RSU1: variants seen among roughly 807,000 people sequenced by gnomAD.
The protein encoded by RSU1 is Ras suppressor protein 1, also known as rsu-1.
RSU1 carries 26 observed loss-of-function variants against 31.1 expected under a neutral mutation model. That is an observed-to-expected ratio of 0.84 (90% CI 0.61 to 1.16). The LOEUF (loss-of-function observed/expected upper bound fraction) is 1.16, where lower values mean the gene tolerates loss of function less well. Among genes scored for constraint, RSU1 ranks in the 50% most tolerant of loss-of-function variants. RSU1 has a pLI of 0.00. For synonymous variants in RSU1, 164 were observed against 136.3 expected (o/e 1.20, Z -1.41); for missense variants, 320 against 339.1 (o/e 0.94, Z 0.44).
intron 7 of RSU1, among the ~76,000 whole-genome samples, chr10:16,711,247 G>C (rs1836012568): frequency 6.6e-6 from 1 of 152,022 alleles, no homozygotes; most frequent in Non-Finnish European, 1.5e-5. Flanking sequence ...TGTAGTATCA[G>C]TTGTAACATC....
intron 8 of RSU1, among the ~76,000 whole-genome samples, chr10:16,663,587 G>A (rs2131529578): frequency 6.6e-6 from 1 of 152,298 alleles, no homozygotes; most frequent in South Asian, 2.1e-4. Context: ...TGCAGGCTGG[G>A]AAGCTACGCC....
At chr10:16,658,492 T>C (rs1437130407) in intron 8 of RSU1, among the ~76,000 whole-genome samples, 1 of 152,068 alleles carries the variant, frequency 6.6e-6, no homozygotes, top group African/African-American at 2.4e-5. Context: ...GGGAGGCTGA[T>C]GCAGGCAGAT....
intron 3 of RSU1, among the ~76,000 whole-genome samples, chr10:16,768,427 C>T (rs1464923085): frequency 3.3e-5 from 5 of 152,226 alleles, no homozygotes; most frequent in African/African-American, 1.2e-4. Flanking sequence ...GTATCATTTT[C>T]TGCCTAGCCA....
chr10:16,759,490 G>A (rs1181775334), intron 4 of RSU1, among the ~76,000 whole-genome samples: 2 of 152,160 alleles, frequency 1.3e-5, no homozygotes, highest in African/African-American at 2.4e-5. Context: ...CTGGGTGACA[G>A]AGTGAGATCT....
intron 8 of RSU1, among the ~76,000 whole-genome samples, chr10:16,675,596 G>A (rs1835213034): frequency 6.6e-6 from 1 of 152,068 alleles, no homozygotes; most frequent in Non-Finnish European, 1.5e-5. Context: ...TGGAAATATG[G>A]GATCACTATT....
In RSU1 at chr10:16,775,459, T is replaced by C. The variant is rs117445531; in HGVS notation, c.160+6575A>G. On this transcript the variant is annotated intron_variant, in intron 3 of 8. Coordinates refer to ENST00000345264, the MANE Select transcript of RSU1 (RefSeq NM_012425.4). ...TCCGCTTAGCACAAAACAGGACCTC[T>C]AGAAAAAGGATTCTAGAACAGGTAC... Among the ~76,000 whole-genome samples, 645 of 151,390 alleles carry C rather than the reference T, an allele frequency of 4.3e-3. 7 individuals are homozygous for C. Among genetic ancestry groups the C allele is most frequent in the East Asian group, 0.023 (118 of 5,108 alleles).
intron 2 of RSU1, among the ~76,000 whole-genome samples, chr10:16,797,460 T>G (rs1838060670): frequency 6.6e-6 from 1 of 152,176 alleles, no homozygotes; most frequent in East Asian, 1.9e-4. Context: ...TCTGAAAGTT[T>G]AGGAAAATTA....
intron 2 of RSU1, among the ~76,000 whole-genome samples, chr10:16,805,913 A>C (rs537073378): frequency 6.6e-6 from 1 of 152,250 alleles, no homozygotes; most frequent in Admixed American, 6.5e-5. Flanking sequence ...AAAGCCTTGC[A>C]TTCTGTTATG....
At chr10:16,781,275 C>T (rs576183180) in intron 3 of RSU1, among the ~76,000 whole-genome samples, 1 of 152,208 alleles carries the variant, frequency 6.6e-6, no homozygotes, top group South Asian at 2.1e-4. Flanking sequence ...GCCCATCATG[C>T]ACACAAGATA....
At chr10:16,708,083 T>C (rs950895475) in intron 7 of RSU1, among the ~76,000 whole-genome samples, 2 of 152,170 alleles carry the variant, frequency 1.3e-5, no homozygotes, top group African/African-American at 4.8e-5. Context: ...ATGCGTCTGT[T>C]TTTAAAGCCA....
At chr10:16,776,940 A>T (rs1367561355) in intron 3 of RSU1, among the ~76,000 whole-genome samples, 2 of 150,980 alleles carry the variant, frequency 1.3e-5, no homozygotes, top group East Asian at 1.9e-4. Context: ...TTTTTTTGAG[A>T]TAGGGTCTTG....
At chr10:16,613,836 G>T (rs1158897571) in intron 8 of RSU1, among the ~76,000 whole-genome samples, 1 of 150,614 alleles carries the variant, frequency 6.6e-6, no homozygotes, top group Non-Finnish European at 1.5e-5. Flanking sequence ...CCTTTCCCCA[G>T]ACATGACATC....
chr10:16,704,970 A>G (rs1252683874), intron 7 of RSU1, among the ~76,000 whole-genome samples: 1 of 151,686 alleles, frequency 6.6e-6, no homozygotes, highest in East Asian at 2.0e-4. Context: ...ATCTGCCTCC[A>G]TGACTTTTTT....
chr10:16,756,797 T>A (rs535190803), intron 4 of RSU1, among the ~76,000 whole-genome samples: 1 of 151,884 alleles, frequency 6.6e-6, no homozygotes, highest in East Asian at 1.9e-4. Context: ...CAAGGGTCAA[T>A]TGTGTGTGAG....
At chr10:16,754,839 TGAG>T in intron 5 of RSU1, 29 bp downstream of exon 5, 1 of 1,365,206 alleles carries the variant, frequency 7.3e-7, no homozygotes, top group Non-Finnish European at 1.0e-6. Flanking sequence ...AGTACAAGGT[TGAG>T]GAGATTTATA....
At position 16,732,829 on chromosome 10, in the gene RSU1, G is replaced by A. The variant is rs542465669; in HGVS notation, c.598+19710C>T. Reference sequence around the variant, plus strand: ...TTTTGTGCCTTTCAGAAAGGCTTACGAAGATATTAGATAAGAATTTAATAA... The same window carrying A: ...TTTTGTGCCTTTCAGAAAGGCTTACAAAGATATTAGATAAGAATTTAATAA... On this transcript the variant is annotated intron_variant, in intron 7 of 8. Transcript: ENST00000345264. Among the ~76,000 whole-genome samples, 20 of 152,228 alleles carry A rather than the reference G, an allele frequency of 1.3e-4. No homozygotes were observed. In the South Asian group the frequency reaches 2.5e-3, roughly 19 times the overall value.
At chr10:16,599,093 G>A (rs960060652) in intron 8 of RSU1, among the ~76,000 whole-genome samples, 11 of 152,130 alleles carry the variant, frequency 7.2e-5, no homozygotes, top group Non-Finnish European at 1.5e-4. Flanking sequence ...GCTAACACTC[G>A]TGGCTTGTGT....
intron 8 of RSU1, among the ~76,000 whole-genome samples, chr10:16,603,574 A>T (rs1168243486): frequency 6.6e-6 from 1 of 152,220 alleles, no homozygotes; most frequent in Admixed American, 6.5e-5. Context: ...GCAGAGAAAA[A>T]TCAATAACTG....
chr10:16,787,121 T>A (rs954351875), intron 2 of RSU1, among the ~76,000 whole-genome samples: 10 of 152,138 alleles, frequency 6.6e-5, no homozygotes, highest in Non-Finnish European at 1.2e-4. Flanking sequence ...TGTTGATGGT[T>A]CATAATCTGG....
Sources: allele counts gnomAD v4.1 joint callset (sites outside exome capture counted in the v4.1 genomes callset), GRCh38; gene constraint gnomAD v4.1.1; transcripts MANE v1.5; gene names NCBI Gene and HGNC (gene_info 2026-07-23, HGNC 2026-07-21).